The following THOC2 variants were observed in gnomAD, a reference collection of about 807,000 sequenced individuals.
THOC2 encodes the protein THO complex subunit 2.
Under a neutral mutation model 128.4 loss-of-function variants are expected in THOC2, and 10 were observed. That is an observed-to-expected ratio of 0.08 (90% CI 0.05 to 0.13). The LOEUF is 0.13. Among genes scored for constraint, THOC2 ranks in the 10% least tolerant of loss-of-function variants. THOC2 has a pLI of 1.00. For synonymous variants in THOC2, 393 were observed against 396.9 expected (o/e 0.99, Z 0.12); for missense variants, 535 against 1,155.7 (o/e 0.46, Z 7.79).
chrX:123,732,643 G>A (rs1196951456), intron 1 of THOC2, among the ~76,000 whole-genome samples: 1 of 111,326 alleles, frequency 9.0e-6, no homozygotes, highest in Non-Finnish European at 1.9e-5. Context: ...GCGAAGAGGG[G>A]GACACAAAAA....
At position 123,659,348 on chromosome X, in the gene THOC2, G is replaced by A. The variant is rs1035217088; in HGVS notation, c.1386+6294C>T. 8.9e-5 allele frequency among the ~76,000 whole-genome samples: 10 copies of A among 112,485 alleles called. No homozygotes were observed. In the South Asian group the frequency reaches 1.9e-3, roughly 21 times the overall value. On this transcript the variant is annotated intron_variant, in intron 12 of 38. Transcript: ENST00000245838. ...AGCACTTTGGGAGGCCGAGGCGGGC[G>A]GATCACAAGGTCAAGAGATCAAGAC...
chrX:123,710,276 A>C (rs1198910821), intron 2 of THOC2, among the ~76,000 whole-genome samples: 1 of 112,009 alleles, frequency 8.9e-6, no homozygotes. Flanking sequence ...GTGAATCAGA[A>C]CCATGCAAAT....
At position 123,633,050 on chromosome X, in the gene THOC2, G is replaced by A. The variant is rs1384284973; in HGVS notation, c.2137-10C>T. The stretch of plus-strand genomic sequence containing the variant: ...GACCAAAATAACCACCCTGCACAAG[G>A]GAAGACACAAATTTACCAGTGTACA... On this transcript the variant is annotated splice_polypyrimidine_tract_variant and intron_variant, in intron 20 of 38. Coordinates refer to ENST00000245838, the MANE Select transcript of THOC2 (RefSeq NM_001081550.2). The A allele has an allele frequency of 1.7e-6, 2 of 1,190,438 alleles. No homozygotes were observed. The highest frequency in any genetic ancestry group is 1.1e-6 in the Non-Finnish European group (1 of 879,689).
chrX:123,649,127 A>T (rs1288849765), intron 12 of THOC2, among the ~76,000 whole-genome samples: 3 of 112,214 alleles, frequency 2.7e-5, no homozygotes, highest in South Asian at 7.3e-4. Flanking sequence ...GGAAAAGACA[A>T]CAATCTTTGC....
chrX:123,601,370 G>A (rs2473181), intron 38 of THOC2, 32 bp from the exon 39 acceptor site: 1 of 106,149 alleles, frequency 9.4e-6, no homozygotes, highest in African/African-American at 3.5e-5. Context: ...TATTGATAGA[G>A]AAGAAGGAAG....
chrX:123,708,107 T>C (rs2147939690), intron 2 of THOC2, among the ~76,000 whole-genome samples: 1 of 109,885 alleles, frequency 9.1e-6, no homozygotes, highest in African/African-American at 3.3e-5. Flanking sequence ...AAAATAAAAA[T>C]AAAAATAAAA....
chrX:123,679,782 C>T (rs964562126), intron 8 of THOC2, among the ~76,000 whole-genome samples: 2 of 112,066 alleles, frequency 1.8e-5, no homozygotes, highest in African/African-American at 3.2e-5. Context: ...ACCCTACCCC[C>T]AACCCTGTGC....
intron 9 of THOC2, among the ~76,000 whole-genome samples, chrX:123,670,308 T>TA (rs1294385874): frequency 8.9e-6 from 1 of 112,121 alleles, no homozygotes; most frequent in Admixed American, 9.5e-5. Flanking sequence ...CATAAGGGGA[T>TA]AAAAAAGCCC....
At chrX:123,646,979 C>T (rs902500482) in intron 12 of THOC2, among the ~76,000 whole-genome samples, 1 of 111,560 alleles carries the variant, frequency 9.0e-6, no homozygotes, top group African/African-American at 3.3e-5. Flanking sequence ...CCTAATAAAG[C>T]GACACACAGT....
At chrX:123,700,686 G>T (rs181261186) in intron 4 of THOC2, among the ~76,000 whole-genome samples, 2 of 111,613 alleles carry the variant, frequency 1.8e-5, no homozygotes, top group East Asian at 5.6e-4. Flanking sequence ...AGGGACCCAG[G>T]TTCAAATTCT....
intron 16 of THOC2, among the ~76,000 whole-genome samples, chrX:123,639,718 G>A (rs1361185901): frequency 9.0e-6 from 1 of 111,430 alleles, no homozygotes; most frequent in Non-Finnish European, 1.9e-5. Context: ...CTCACTATTT[G>A]GGTGAGGAGT....
intron 1 of THOC2, among the ~76,000 whole-genome samples, chrX:123,713,476 C>CA (rs1245124629): frequency 0.073 from 2,801 of 38,327 alleles, 120 homozygotes; most frequent in African/African-American, 0.21. Flanking sequence ...TCTGTCTCTA[C>CA]AAAAAAAAAA....
At chrX:123,612,136 T>C (rs758699140) in intron 36 of THOC2, among the ~76,000 whole-genome samples, 48 of 111,569 alleles carry the variant, frequency 4.3e-4, no homozygotes, top group Non-Finnish European at 7.7e-4. Flanking sequence ...AAGTTAAACA[T>C]AGAATTACCA....
chrX:123,638,670 A>C (rs1030380601), intron 17 of THOC2, among the ~76,000 whole-genome samples: 38 of 108,300 alleles, frequency 3.5e-4, no homozygotes, highest in East Asian at 5.8e-4. Context: ...CACACACAAA[A>C]AAAAAAAGTT....
intron 8 of THOC2, among the ~76,000 whole-genome samples, chrX:123,677,570 T>C (rs1357267011): frequency 1.8e-5 from 2 of 111,982 alleles, no homozygotes; most frequent in Non-Finnish European, 3.8e-5. Flanking sequence ...AGCTTTTTTG[T>C]ACTTTTAAGA....
chrX:123,630,735 C>CAACG (rs1371052350), intron 22 of THOC2, among the ~76,000 whole-genome samples: 1 of 110,165 alleles, frequency 9.1e-6, no homozygotes, highest in Non-Finnish European at 1.9e-5. Context: ...TTCACTCTCT[C>CAACG]AACGAAGGCT....
At chrX:123,603,690 G>T in intron 38 of THOC2, 1 of 446,545 alleles carries the variant, frequency 2.2e-6, no homozygotes, top group Middle Eastern at 3.7e-4. Flanking sequence ...TGAGAGTGAC[G>T]CACGGAGCTT....
rs953599787 is a variant in THOC2, at chrX:123,663,850, T to C, written c.1386+1792A>G. Among the ~76,000 whole-genome samples, 3 of 111,262 alleles carry C rather than the reference T, an allele frequency of 2.7e-5. 1 individual carries two copies. The South Asian group carries it at 1.1e-3, about 42-fold the overall frequency. ...GTGTTCTCCTTGTTCAATTCCCACC[T>C]ATGAGTGAGAACATGCGGTGTTTGG... On this transcript the variant is annotated intron_variant, in intron 12 of 38. Coordinates refer to ENST00000245838, the MANE Select transcript of THOC2 (RefSeq NM_001081550.2).
At chrX:123,717,803 G>C (rs1192625835) in intron 1 of THOC2, among the ~76,000 whole-genome samples, 2 of 111,972 alleles carry the variant, frequency 1.8e-5, no homozygotes, top group African/African-American at 6.5e-5. Context: ...ATCCACGGGG[G>C]ATTGGTTCCA....
Sources: gnomAD v4.1 joint callset for allele counts (sites outside exome capture counted in the v4.1 genomes callset) on GRCh38, gnomAD v4.1.1 for gene constraint, MANE v1.5 for transcripts, NCBI Gene and HGNC (gene_info 2026-07-23, HGNC 2026-07-21) for gene names.